Variants in GRXCR1 observed in about 807,000 individuals in gnomAD.
GRXCR1 encodes glutaredoxin domain-containing cysteine-rich protein 1.
In GRXCR1, 27 loss-of-function variants were observed where a neutral mutation model predicts 27.3. The observed-to-expected ratio is 0.99, with a 90% CI of 0.73 to 1.37. The LOEUF is 1.37. GRXCR1 is among the 40% of genes most tolerant of loss of function. The pLI is 0.00. For missense variants in GRXCR1, 379 were observed against 354.4 expected (o/e 1.07, Z -0.56); for synonymous variants, 122 against 131.1 (o/e 0.93, Z 0.47).
intron 2 of GRXCR1, 126 bp downstream of exon 2, chr4:42,963,260 A>G: frequency 2.8e-6 from 3 of 1,071,620 alleles, no homozygotes; most frequent in South Asian, 1.3e-5. Flanking sequence ...AGCTCAAACC[A>G]AAGGGATTGG....
chr4:43,001,020 G>A (rs1258653424), intron 2 of GRXCR1, among the ~76,000 whole-genome samples: 1 of 151,810 alleles, frequency 6.6e-6, no homozygotes, highest in Non-Finnish European at 1.5e-5. Context: ...TCTACCTCCC[G>A]GGTTCAAGCA....
intron 3 of GRXCR1, among the ~76,000 whole-genome samples, chr4:43,028,171 G>C (rs192984299): frequency 1.3e-5 from 2 of 151,896 alleles, no homozygotes; most frequent in East Asian, 3.9e-4. Flanking sequence ...CATTGCCCAA[G>C]ATGGATTAAT....
In GRXCR1 at chr4:42,962,971, G is replaced by C; in HGVS notation, c.464G>C (p.Arg155Thr). The change falls in exon 2 of 4, where the codon AGA becomes ACA. Residue 155 changes from arginine (R) to threonine (T), a missense_variant. Transcript: ENST00000399770. ...CLRVVRTTFE[R>T]CELVRKIFQN... is the part of the protein sequence containing the mutation. ...CGTGTGGTCCGGACAACCTTTGAAA[G>C]ATGTGAACTGGTTAGAAAGATTTTC... The C allele has an allele frequency of 6.2e-7, 1 of 1,612,868 alleles. No individual in the cohort carries two copies. The highest frequency in any genetic ancestry group is 8.5e-7 in the Non-Finnish European group (1 of 1,179,178).
At chr4:43,023,511 G>A (rs1476314752) in intron 3 of GRXCR1, among the ~76,000 whole-genome samples, 2 of 152,160 alleles carry the variant, frequency 1.3e-5, no homozygotes, top group Non-Finnish European at 2.9e-5. Context: ...GGCCTCAAAC[G>A]TGAGGAGCTG....
intron 2 of GRXCR1, among the ~76,000 whole-genome samples, chr4:43,000,461 C>T (rs150640799): frequency 0.018 from 2,138 of 118,174 alleles, 39 homozygotes; most frequent in East Asian, 0.075. Context: ...GGTGACAGAG[C>T]GAGGCTCTAT....
At chr4:42,926,552 C>T (rs973212591) in intron 1 of GRXCR1, among the ~76,000 whole-genome samples, 2 of 151,674 alleles carry the variant, frequency 1.3e-5, no homozygotes, top group African/African-American at 4.8e-5. Context: ...TGTGGACTTT[C>T]CTGTTACATT....
Position 42,893,649 on chromosome 4 carries a change from A to C in GRXCR1, c.383A>C (p.Gln128Pro). ...TTTAACAATTTGACCAAAGTATTAC[A>C]GGTAAGTCATTGCTGTTTCCTTCTC... The part of the protein sequence containing the change: ...ALFNNLTKVL[Q>P]QPSTDLEFDR... The change falls in exon 1 of 4, where the codon CAG (glutamine) becomes CCG (proline). Residue 128 changes from glutamine to proline, a missense_variant and splice_region_variant. Coordinates refer to ENST00000399770, the MANE Select transcript of GRXCR1 (RefSeq NM_001080476.3). 9 of 1,612,774 alleles carry C rather than the reference A, an allele frequency of 5.6e-6. No individual in the cohort carries two copies. Among genetic ancestry groups the C allele is most frequent in the Non-Finnish European group, 7.6e-6 (9 of 1,179,546 alleles).
chr4:42,960,776 C>A (rs975491035), intron 1 of GRXCR1, among the ~76,000 whole-genome samples: 1 of 151,770 alleles, frequency 6.6e-6, no homozygotes, highest in Admixed American at 6.6e-5. Context: ...CCCAAAGATA[C>A]ACAGGTGGCC....
intron 1 of GRXCR1, among the ~76,000 whole-genome samples, chr4:42,920,319 G>A (rs924100884): frequency 7.2e-5 from 11 of 152,020 alleles, no homozygotes; most frequent in African/African-American, 4.8e-5. Context: ...TGATATGCCT[G>A]CTCATTCAGC....
chr4:42,897,047 C>A (rs1746360908), intron 1 of GRXCR1, among the ~76,000 whole-genome samples: 1 of 152,004 alleles, frequency 6.6e-6, no homozygotes, highest in African/African-American at 2.4e-5. Flanking sequence ...TAAGTTTATT[C>A]CTCATTACTG....
chr4:43,012,024 C>G (rs1018986587), intron 2 of GRXCR1, among the ~76,000 whole-genome samples: 5 of 152,176 alleles, frequency 3.3e-5, no homozygotes, highest in Non-Finnish European at 7.3e-5. Context: ...CTTTGATCAA[C>G]TAATTATATT....
intron 3 of GRXCR1, among the ~76,000 whole-genome samples, chr4:43,022,179 A>G (rs1389772991): frequency 6.6e-6 from 1 of 152,228 alleles, no homozygotes; most frequent in Non-Finnish European, 1.5e-5. Context: ...AACTAATTTA[A>G]ATTGTATTAT....
chr4:42,924,232 T>C (rs1747089423), intron 1 of GRXCR1, among the ~76,000 whole-genome samples: 1 of 152,140 alleles, frequency 6.6e-6, no homozygotes, highest in African/African-American at 2.4e-5. Context: ...ACTGTTTTAC[T>C]TTTACATAGT....
At chr4:42,989,524 A>G (rs992832626) in intron 2 of GRXCR1, among the ~76,000 whole-genome samples, 1 of 152,212 alleles carries the variant, frequency 6.6e-6, no homozygotes, top group Non-Finnish European at 1.5e-5. Flanking sequence ...AAAATCTTCC[A>G]TATAATTTCC....
chr4:43,029,007 G>C (rs1483010364), intron 3 of GRXCR1, among the ~76,000 whole-genome samples: 1 of 152,142 alleles, frequency 6.6e-6, no homozygotes, highest in Non-Finnish European at 1.5e-5. Context: ...ATAATTGCAA[G>C]TGAATCCTGC....
chr4:42,969,996 T>C (rs1231558764), intron 2 of GRXCR1, among the ~76,000 whole-genome samples: 3 of 152,038 alleles, frequency 2.0e-5, no homozygotes, highest in Non-Finnish European at 4.4e-5. Flanking sequence ...AAAGGGAAAA[T>C]TGGCCAAAAC....
At chr4:42,939,668 G>A (rs1231108053) in intron 1 of GRXCR1, among the ~76,000 whole-genome samples, 1 of 152,056 alleles carries the variant, frequency 6.6e-6, no homozygotes, top group Non-Finnish European at 1.5e-5. Flanking sequence ...TGCTGAGAAA[G>A]AATATTTATC....
chr4:42,893,327 G>C lies in GRXCR1; in HGVS notation c.61G>C (p.Ala21Pro). 6.2e-7 allele frequency: 1 copy of C among 1,613,754 alleles called. No individual in the cohort carries two copies. The highest frequency in any genetic ancestry group is 8.5e-7 in the Non-Finnish European group (1 of 1,179,786). Residue 21 changes from alanine (A) to proline (P), a missense_variant, in exon 1 of 4, where the codon GCG (alanine) becomes CCG (proline). Coordinates refer to ENST00000399770, the MANE Select transcript of GRXCR1 (RefSeq NM_001080476.3). ...GCCACGGAAAGTCCGGTTTCGGATC[G>C]CGTCCTCTCACAGTGGGCGAGTTCT... Reference protein sequence around the residue: ...DRPRKVRFRIASSHSGRVLKE... With the variant: ...DRPRKVRFRIPSSHSGRVLKE...
At chr4:43,010,927 T>G (rs1009386338) in intron 2 of GRXCR1, among the ~76,000 whole-genome samples, 3 of 152,154 alleles carry the variant, frequency 2.0e-5, no homozygotes, top group African/African-American at 7.2e-5. Flanking sequence ...ATAGAAATAT[T>G]TTTCTCTTTG....
Sources: gnomAD v4.1 joint callset for allele counts (sites outside exome capture counted in the v4.1 genomes callset) on GRCh38, gnomAD v4.1.1 for gene constraint, MANE v1.5 for transcripts, NCBI Gene and HGNC (gene_info 2026-07-23, HGNC 2026-07-21) for gene names.